ITIH4: variants seen among roughly 807,000 people sequenced by gnomAD.
The protein encoded by ITIH4 is inter-alpha-trypsin inhibitor heavy chain H4.
A neutral mutation model predicts 111.8 loss-of-function variants in ITIH4; 79 were observed. The ratio of observed to expected loss-of-function variants is 0.71; its 90% CI spans 0.59 to 0.85. The LOEUF is 0.85. Ranked by LOEUF, ITIH4 falls within the 40% of genes least tolerant of loss-of-function variation. The pLI is 0.00. For synonymous variants in ITIH4, 472 were observed against 468.3 expected (o/e 1.01, Z -0.10); for missense variants, 1,065 against 1,195.8 (o/e 0.89, Z 1.61).
rs755679969 is a variant in ITIH4, at chr3:52,814,288, G to C, written c.2547C>G (p.Phe849Leu). Residue 849 changes from phenylalanine to leucine, a missense_variant, in exon 22 of 24, where the codon TTC becomes TTG. Physicochemically the swap from Phe to Leu is conservative, Grantham distance 22. Coordinates refer to ENST00000266041, the MANE Select transcript of ITIH4 (RefSeq NM_002218.5). ...DPDKVTIGLL[F>L]WDGRGEGLRL... ...GGAGCCCCTCCCCACGGCCATCCCAGAACAACAGGCCGATGGTCACTTTGT... is the reference window on the plus strand; with the variant it reads ...GGAGCCCCTCCCCACGGCCATCCCACAACAACAGGCCGATGGTCACTTTGT... The C allele has an allele frequency of 1.2e-6, 2 of 1,614,040 alleles. No homozygotes were observed. Among genetic ancestry groups the C allele is most frequent in the South Asian group, 2.2e-5 (2 of 91,066 alleles).
chr3:52,813,358 G>T lies in ITIH4; in HGVS notation c.*63C>A. ...CCCCATGGTGGTCCAGGCCCCAGAA[G>T]CGGCCCTGCAGTTGCAGGGGGAAGC... On this transcript the variant is annotated 3_prime_UTR_variant, in exon 24 of 24. Transcript: ENST00000266041. The T allele has an allele frequency of 7.2e-7, 1 of 1,387,446 alleles. No homozygotes were observed. Among genetic ancestry groups the T allele is most frequent in the Non-Finnish European group, 1.0e-6 (1 of 973,272 alleles). 85.9% of individuals were successfully genotyped at this position (1,387,446 alleles called of 1,614,324 possible).
intron 3 of ITIH4, 51 bp downstream of exon 3, chr3:52,827,042 G>A: frequency 6.2e-7 from 1 of 1,607,344 alleles, no homozygotes; most frequent in Non-Finnish European, 8.5e-7. Context: ...CCAAAGGCAA[G>A]GTGGCCTTTG....
intron 23 of ITIH4, 88 bp from the exon 24 acceptor site, chr3:52,813,578 T>G (rs1345046690): frequency 1.7e-6 from 2 of 1,189,750 alleles, no homozygotes. Flanking sequence ...GACAGGAACA[T>G]GGAGGGCAGG....
intron 14 of ITIH4, 59 bp downstream of exon 14, chr3:52,820,232 T>A: frequency 6.2e-7 from 1 of 1,611,256 alleles, no homozygotes; most frequent in Admixed American, 1.7e-5. Flanking sequence ...GCTGGTGCCC[T>A]GGACCCTGTG....
intron 15 of ITIH4, 59 bp from the exon 16 acceptor site, chr3:52,819,851 C>A (rs1700346559): frequency 7.5e-6 from 12 of 1,608,780 alleles, no homozygotes; most frequent in African/African-American, 2.7e-5. Flanking sequence ...CTGTCACCAG[C>A]CAGAGGAGCT....
chr3:52,817,921 G>A (rs1700307848), intron 20 of ITIH4, 131 bp downstream of exon 20: 1 of 762,266 alleles, frequency 1.3e-6, no homozygotes, highest in African/African-American at 1.7e-5. Context: ...CCAGCACTGG[G>A]AGGCAGGACC....
intron 13 of ITIH4, 57 bp downstream of exon 13, chr3:52,820,574 G>C (rs1700363159): frequency 2.6e-6 from 4 of 1,550,484 alleles, no homozygotes; most frequent in Non-Finnish European, 3.5e-6. Context: ...AGATCGGGGA[G>C]AACGCTGGGT....
Position 52,826,548 on chromosome 3 carries a change from T to C in ITIH4, c.623A>G (p.Lys208Arg). The C allele has an allele frequency of 6.2e-7, 1 of 1,613,214 alleles. No individual in the cohort carries two copies. The highest frequency in any genetic ancestry group is 8.5e-7 in the Non-Finnish European group (1 of 1,179,222). ...LVDALTTWQN[K>R]TKAHIRFKPT... ...TGACCACAACAGGCCCACCTTGGTC[T>C]TATTCTGCCAGGTGGTGAGGGCGTC... is the stretch of plus-strand genomic sequence containing the variant. Residue 208 changes from lysine (K) to arginine (R), a missense_variant, in exon 5 of 24, where the codon AAG becomes AGG. By Grantham distance (26) the Lys-to-Arg change is conservative. Coordinates refer to ENST00000266041, the MANE Select transcript of ITIH4 (RefSeq NM_002218.5).
chr3:52,819,857 G>T (rs747390697), intron 15 of ITIH4, 65 bp from the exon 16 acceptor site: 1 of 1,605,488 alleles, frequency 6.2e-7, no homozygotes, highest in Non-Finnish European at 8.5e-7. Context: ...CCAGCCAGAG[G>T]AGCTGGGCAA....
chr3:52,819,171 A>T lies in ITIH4; in HGVS notation c.2077+222T>A. 5.6e-6 allele frequency: 3 copies of T among 539,336 alleles called. No individual in the cohort carries two copies. The South Asian group carries it at 6.1e-5, about 11-fold the overall frequency. 33.4% of individuals were successfully genotyped at this position (539,336 alleles called of 1,614,324 possible). A position where few individuals can be genotyped will look rare whatever the true frequency, so the allele number is the denominator to read the frequency against. ...GATGGGGCAGGGGGCAGCTGCAAAG[A>T]GCTGGGAAGGCGAGGACAGCCTCCT... On this transcript the variant is annotated intron_variant, in intron 17 of 23. Transcript: ENST00000266041.
intron 6 of ITIH4, chr3:52,825,163 C>T (rs1469324984): frequency 2.5e-5 from 10 of 398,220 alleles, no homozygotes; most frequent in Non-Finnish European, 4.5e-5. Context: ...ATGCATAGCC[C>T]ACCAGAACTC....
intron 5 of ITIH4, 30 bp downstream of exon 5, chr3:52,826,511 A>C: frequency 6.5e-7 from 1 of 1,537,242 alleles, no homozygotes; most frequent in Non-Finnish European, 9.0e-7. Flanking sequence ...GGCCCTTGGT[A>C]CCCTCACCTG....
chr3:52,828,218 C>A (rs900339540), intron 2 of ITIH4, among the ~76,000 whole-genome samples: 2 of 152,230 alleles, frequency 1.3e-5, no homozygotes, highest in Non-Finnish European at 2.9e-5. Context: ...GGGCTCTCAG[C>A]AGATGCCACG....
In ITIH4 at chr3:52,820,803, C is replaced by A. The variant is rs768633609; in HGVS notation, c.1680-18G>T. On this transcript the variant is annotated intron_variant, in intron 12 of 23. Transcript: ENST00000266041. ...CGGAGACACTGTAGGTGGAGCACAT[C>A]AGAGCTCAGGAGATCCTTGAATTCG... The A allele has an allele frequency of 2.1e-5, 34 of 1,598,084 alleles. No homozygotes were observed. The highest frequency in any genetic ancestry group is 2.6e-6 in the Non-Finnish European group (3 of 1,170,368).
chr3:52,816,535 C>G (rs1700279662), intron 21 of ITIH4, among the ~76,000 whole-genome samples: 1 of 152,182 alleles, frequency 6.6e-6, no homozygotes, highest in Non-Finnish European at 1.5e-5. Flanking sequence ...GTTCTCCCCC[C>G]AGCCTTCTGA....
In ITIH4 at chr3:52,813,955, G is replaced by A. The variant is rs1237733837; in HGVS notation, c.2723+20C>T. ...CACCCCACCCCAGCTGGGCTCAGCG[G>A]TCTGCTTGTGCCAAGTCACCTGGTG... is the stretch of plus-strand genomic sequence containing the variant. On this transcript the variant is annotated intron_variant, in intron 23 of 23. Coordinates refer to ENST00000266041, the MANE Select transcript of ITIH4 (RefSeq NM_002218.5). The A allele has an allele frequency of 6.2e-7, 1 of 1,600,616 alleles. No individual in the cohort carries two copies. The highest frequency in any genetic ancestry group is 1.3e-5 in the African/African-American group (1 of 74,686).
At chr3:52,815,153 T>C (rs994879039) in intron 21 of ITIH4, among the ~76,000 whole-genome samples, 2 of 152,228 alleles carry the variant, frequency 1.3e-5, no homozygotes, top group Non-Finnish European at 2.9e-5. Context: ...GACCCTGCTG[T>C]TACTCAGAGG....
In ITIH4 at chr3:52,829,273, T is replaced by C. The variant is rs1199806242; in HGVS notation, c.97A>G (p.Ile33Val). 2.5e-6 allele frequency: 4 copies of C among 1,606,124 alleles called. No homozygotes were observed. Among genetic ancestry groups the C allele is most frequent in the East Asian group, 4.5e-5 (2 of 44,548 alleles). ...HQTTTAEKNG[I>V]DIYSLTVDSR... ...TCCACGGTGAGGCTGTAGATGTCGATGCCATTCTGGACCAGCAAAGAAGAA... is the reference window on the plus strand; with the variant it reads ...TCCACGGTGAGGCTGTAGATGTCGACGCCATTCTGGACCAGCAAAGAAGAA... Residue 33 changes from isoleucine (I) to valine (V), a missense_variant, in exon 2 of 24, where the codon ATC becomes GTC. Transcript: ENST00000266041.
intron 16 of ITIH4, 44 bp downstream of exon 16, chr3:52,819,710 C>A (rs113745155): frequency 1.2e-5 from 20 of 1,603,894 alleles, no homozygotes; most frequent in East Asian, 1.1e-4. Flanking sequence ...CAAGCTCCCC[C>A]CCAGGGATGT....
Sources: gnomAD v4.1 joint callset for allele counts (sites outside exome capture counted in the v4.1 genomes callset) on GRCh38, gnomAD v4.1.1 for gene constraint, MANE v1.5 for transcripts, NCBI Gene and HGNC (gene_info 2026-07-23, HGNC 2026-07-21) for gene names.